Variants in ZNF678 observed in about 807,000 individuals in gnomAD.
The protein encoded by ZNF678 is hypothetical protein MGC42493.
A neutral mutation model predicts 3.0 loss-of-function variants in ZNF678; 5 were observed. The ratio of observed to expected loss-of-function variants is 1.69; its 90% CI spans 0.88 to 3.56. The LOEUF is 3.56. Among genes scored for constraint, ZNF678 ranks in the 30% most tolerant of loss-of-function variants. The pLI, the probability that ZNF678 is intolerant of heterozygous loss-of-function variation, is 0.00. For missense variants in ZNF678, 593 were observed against 605.0 expected (o/e 0.98, Z 0.21); for synonymous variants, 218 against 199.6 (o/e 1.09, Z -0.78).
At chr1:227,574,979 T>G (rs1270347171) in intron 1 of ZNF678, among the ~76,000 whole-genome samples, 4 of 152,180 alleles carry the variant, frequency 2.6e-5, no homozygotes, top group Non-Finnish European at 4.4e-5. Context: ...AGTCTCACTC[T>G]GTTGCCCAGA....
intron 1 of ZNF678, among the ~76,000 whole-genome samples, chr1:227,641,706 GTCTC>G (rs1006008188): frequency 2.0e-5 from 3 of 151,752 alleles, no homozygotes; most frequent in South Asian, 2.1e-4. Context: ...AGATAGAAAG[GTCTC>G]TCTATTTGGA....
intron 1 of ZNF678, among the ~76,000 whole-genome samples, chr1:227,606,174 GGTCTCCGA>G (rs547681737): frequency 4.9e-4 from 75 of 152,240 alleles, no homozygotes; most frequent in Admixed American, 9.8e-4. Context: ...CACCGGTGCC[GGTCTCCGA>G]GTTCCCTCAG....
At chr1:227,676,620 C>A (rs912763447) in intron 5 of ZNF678, among the ~76,000 whole-genome samples, 8 of 151,790 alleles carry the variant, frequency 5.3e-5, no homozygotes, top group African/African-American at 1.7e-4. Context: ...GTGCTGCACC[C>A]AGTAACTCGT....
chr1:227,569,725 A>T (rs990467272), intron 1 of ZNF678, among the ~76,000 whole-genome samples: 1 of 152,166 alleles, frequency 6.6e-6, no homozygotes, highest in Non-Finnish European at 1.5e-5. Flanking sequence ...ATATAAGATT[A>T]TGCCATCTAC....
At chr1:227,666,554 T>C (rs1046603056), downstream of ZNF678, among the ~76,000 whole-genome samples, 6 of 152,064 alleles carry the variant, frequency 3.9e-5, no homozygotes, top group Non-Finnish European at 4.4e-5. Context: ...ACTTGTGGCT[T>C]AGGGGAAGTA....
At chr1:227,631,433 T>G (rs915084238) in intron 1 of ZNF678, among the ~76,000 whole-genome samples, 3 of 152,204 alleles carry the variant, frequency 2.0e-5, no homozygotes, top group Non-Finnish European at 1.5e-5. Flanking sequence ...TTGGGCTGTG[T>G]TCCTGAGTAT....
At chr1:227,646,518 T>TA (rs1259558079) in intron 1 of ZNF678, 26 bp from the exon 2 acceptor site, 4 of 1,327,552 alleles carry the variant, frequency 3.0e-6, no homozygotes, top group Non-Finnish European at 4.0e-6. Flanking sequence ...ATTTTGTAAA[T>TA]ACGTGTGTAT....
intron 1 of ZNF678, among the ~76,000 whole-genome samples, chr1:227,604,043 A>G (rs1019582290): frequency 2.0e-5 from 3 of 152,236 alleles, no homozygotes; most frequent in Non-Finnish European, 4.4e-5. Context: ...TAGGATTCCA[A>G]TATAAAATGT....
intron 1 of ZNF678, among the ~76,000 whole-genome samples, chr1:227,633,082 G>A (rs1399650619): frequency 6.6e-6 from 1 of 152,154 alleles, no homozygotes; most frequent in Non-Finnish European, 1.5e-5. Flanking sequence ...GAGTGGCAAT[G>A]GGCACCTCAC....
chr1:227,590,719 T>A (rs1188060847), intron 1 of ZNF678, among the ~76,000 whole-genome samples: 2 of 151,866 alleles, frequency 1.3e-5, no homozygotes, highest in African/African-American at 4.8e-5. Flanking sequence ...GGCAGCTTAG[T>A]GTAGGCTCTA....
At chr1:227,593,464 C>T (rs1176871544) in intron 1 of ZNF678, among the ~76,000 whole-genome samples, 4 of 152,140 alleles carry the variant, frequency 2.6e-5, no homozygotes, top group Non-Finnish European at 5.9e-5. Context: ...CCAGCTATGG[C>T]ATGAAAGCTC....
At chr1:227,616,700 G>C (rs1658150057) in intron 1 of ZNF678, among the ~76,000 whole-genome samples, 3 of 152,186 alleles carry the variant, frequency 2.0e-5, no homozygotes, top group African/African-American at 7.2e-5. Flanking sequence ...CTTCACCACT[G>C]TCCGGGGGTG....
At position 227,655,309 on chromosome 1, in the gene ZNF678, A is replaced by T. The variant is rs1436026335; in HGVS notation, c.1059A>T (p.Glu353Asp). The change falls in exon 4 of 4, where the codon GAA becomes GAT. Residue 353 changes from glutamate to aspartate, a missense_variant. Glu to Asp is a conservative substitution (Grantham distance 45, BLOSUM62 2). Transcript: ENST00000343776. The part of the protein sequence containing the change: ...HTGEKPYKCE[E>D]CGRTFTQFSN... The stretch of plus-strand genomic sequence containing the variant: ...GAGAGAAACCCTACAAATGTGAAGA[A>T]TGTGGCAGAACCTTTACTCAATTCT... The T allele has an allele frequency of 1.2e-6, 2 of 1,611,204 alleles. No homozygotes were observed. Among genetic ancestry groups the T allele is most frequent in the African/African-American group, 2.7e-5 (2 of 74,868 alleles).
chr1:227,598,845 G>C (rs1657660715), intron 1 of ZNF678: 1 of 603,628 alleles, frequency 1.7e-6, no homozygotes, highest in Admixed American at 2.3e-5. Flanking sequence ...TAATGAAGAA[G>C]AAGATGAATA....
intron 1 of ZNF678, among the ~76,000 whole-genome samples, chr1:227,567,868 G>A (rs79569347): frequency 0.014 from 2,173 of 152,048 alleles, 35 homozygotes; most frequent in Non-Finnish European, 0.021. Context: ...AATTCTAAAG[G>A]AATATTGCAA....
At chr1:227,563,814 C>T in intron 1 of ZNF678, 90 bp downstream of exon 1, 1 of 1,194,526 alleles carries the variant, frequency 8.4e-7, no homozygotes, top group South Asian at 1.3e-5. Flanking sequence ...CGGCTGGCAC[C>T]TGTGGGATCT....
chr1:227,592,227 G>A (rs551789203), intron 1 of ZNF678, among the ~76,000 whole-genome samples: 5 of 152,342 alleles, frequency 3.3e-5, no homozygotes, highest in Admixed American at 6.5e-5. Context: ...TTGGTATCTA[G>A]TTAGTCTAGC....
chr1:227,609,803 G>A (rs926201070), intron 1 of ZNF678, among the ~76,000 whole-genome samples: 5 of 151,302 alleles, frequency 3.3e-5, no homozygotes, highest in Non-Finnish European at 5.9e-5. Context: ...GCAAGATCTC[G>A]GCTCACTGCA....
intron 1 of ZNF678, among the ~76,000 whole-genome samples, chr1:227,587,325 A>G (rs1657287240): frequency 6.6e-6 from 1 of 151,462 alleles, no homozygotes; most frequent in African/African-American, 2.4e-5. Flanking sequence ...ACCAGGATAT[A>G]TAGGAGGCAA....
Sources: gnomAD v4.1 joint callset for allele counts (sites outside exome capture counted in the v4.1 genomes callset) on GRCh38, gnomAD v4.1.1 for gene constraint, MANE v1.5 for transcripts, NCBI Gene and HGNC (gene_info 2026-07-23, HGNC 2026-07-21) for gene names.